IMPACT: variants seen among roughly 807,000 people sequenced by gnomAD.
The protein encoded by IMPACT is protein IMPACT.
A neutral mutation model predicts 47.5 loss-of-function variants in IMPACT; 35 were observed. That is an observed-to-expected ratio of 0.74 (90% CI 0.56 to 0.98). The LOEUF (loss-of-function observed/expected upper bound fraction) is 0.98. Among genes scored for constraint, IMPACT ranks in the 50% least tolerant of loss-of-function variants. The pLI is 0.00. For missense variants in IMPACT, 373 were observed against 394.8 expected (o/e 0.94, Z 0.47); for synonymous variants, 118 against 125.6 (o/e 0.94, Z 0.40).
intron 1 of IMPACT, chr18:24,427,023 C>T: frequency 2.6e-6 from 1 of 391,470 alleles, no homozygotes; most frequent in Non-Finnish European, 4.5e-6. Flanking sequence ...GGACGGTGTC[C>T]TCGTCAACCA....
chr18:24,431,077 A>G (rs1908744255), intron 4 of IMPACT, among the ~76,000 whole-genome samples: 2 of 152,196 alleles, frequency 1.3e-5, no homozygotes, highest in African/African-American at 4.8e-5. Flanking sequence ...GCCCTTTTTC[A>G]TGGCAGTTAG....
intron 1 of IMPACT, 66 bp downstream of exon 1, chr18:24,426,858 C>T: frequency 3.5e-6 from 4 of 1,158,376 alleles, no homozygotes; most frequent in Non-Finnish European, 4.4e-6. Context: ...TGCCAGTCCT[C>T]CTCAGCCGAG....
At chr18:24,447,264 A>G (rs1291742760) in intron 8 of IMPACT, among the ~76,000 whole-genome samples, 1 of 152,186 alleles carries the variant, frequency 6.6e-6, no homozygotes, top group Non-Finnish European at 1.5e-5. Flanking sequence ...TATTTACATT[A>G]AAAGTTTACA....
chr18:24,443,019 TA>T (rs750449258), intron 6 of IMPACT, 29 bp from the exon 7 acceptor site: 2 of 1,260,708 alleles, frequency 1.6e-6, no homozygotes, highest in African/African-American at 3.0e-5. Flanking sequence ...TAAGGCTTTT[TA>T]AAAAATAAAG....
At chr18:24,430,747 TA>T in intron 4 of IMPACT, among the ~76,000 whole-genome samples, 1 of 151,744 alleles carries the variant, frequency 6.6e-6, no homozygotes, top group African/African-American at 2.4e-5. Flanking sequence ...CTCAATAAAT[TA>T]AAAAAAAGTT....
intron 5 of IMPACT, 63 bp downstream of exon 5, chr18:24,438,103 A>T: frequency 1.4e-6 from 1 of 731,976 alleles, no homozygotes; most frequent in East Asian, 2.7e-5. Flanking sequence ...TTATGTAGAT[A>T]CTCTAGTTGA....
Position 24,441,527 on chromosome 18 carries a change from A to G in IMPACT, c.490+909A>G, listed in dbSNP as rs552895580. 4.6e-5 allele frequency among the ~76,000 whole-genome samples: 7 copies of G among 152,350 alleles called. No individual in the cohort carries two copies. In the South Asian group the frequency reaches 1.2e-3, roughly 27 times the overall value. On this transcript the variant is annotated intron_variant, in intron 6 of 10. Coordinates refer to ENST00000284202, the MANE Select transcript of IMPACT (RefSeq NM_018439.4). ...TTGTTTCGTAATCGAGTAGTATTCA[A>G]CATAAAAATAGGTTGCTGTGATATT...
intron 4 of IMPACT, among the ~76,000 whole-genome samples, chr18:24,431,653 T>C (rs1217387890): frequency 1.3e-5 from 2 of 151,798 alleles, no homozygotes; most frequent in African/African-American, 2.4e-5. Flanking sequence ...GCTGGGACTA[T>C]AGATACGTGC....
chr18:24,436,188 G>C (rs1336334183), intron 4 of IMPACT, among the ~76,000 whole-genome samples: 2 of 152,094 alleles, frequency 1.3e-5, no homozygotes, highest in Non-Finnish European at 2.9e-5. Context: ...CTGTAAAAAG[G>C]GGATAATATT....
rs191029745 is a variant in IMPACT, at chr18:24,436,512, G to A, written c.282-1443G>A. ...TCCTCCTACGGTGCTGAGATTACAG[G>A]TGTGAGCTGCCACATCTGGCCTGTT... On this transcript the variant is annotated intron_variant, in intron 4 of 10. Coordinates refer to ENST00000284202, the MANE Select transcript of IMPACT (RefSeq NM_018439.4). Among the ~76,000 whole-genome samples, 417 of 148,008 alleles carry A rather than the reference G, an allele frequency of 2.8e-3. 3 individuals carry two copies. Among genetic ancestry groups the A allele is most frequent in the South Asian group, 6.6e-3 (31 of 4,674 alleles).
At chr18:24,447,665 C>T (rs1249978558) in intron 8 of IMPACT, among the ~76,000 whole-genome samples, 1 of 151,938 alleles carries the variant, frequency 6.6e-6, no homozygotes, top group Non-Finnish European at 1.5e-5. Context: ...CTTTTTGTTT[C>T]ACTACATCTT....
chr18:24,438,010 CT>C lies in IMPACT; in HGVS notation c.339del (p.Ile114TyrfsTer6). ...YLWVEKIRDV[L>X]IQKSQMTEPG... ...GTGGGTGGAGAAAATAAGAGATGTT[CT>C]TATACAAAAATCTCAGATGACAGAA... On this transcript the variant is annotated frameshift_variant, in exon 5 of 11. Coordinates refer to ENST00000284202, the MANE Select transcript of IMPACT (RefSeq NM_018439.4). LOFTEE classifies it high-confidence loss of function. 1 of 1,573,000 alleles carries C rather than the reference CT, an allele frequency of 6.4e-7. No homozygotes were observed. The highest frequency in any genetic ancestry group is 8.7e-7 in the Non-Finnish European group (1 of 1,150,832).
chr18:24,440,355 A>T, intron 5 of IMPACT, 141 bp from the exon 6 acceptor site: 1 of 758,510 alleles, frequency 1.3e-6, no homozygotes, highest in African/African-American at 1.8e-5. Context: ...CAACTCAGGA[A>T]TCAACCAGTT....
chr18:24,444,035 T>G (rs1909185112), intron 7 of IMPACT, among the ~76,000 whole-genome samples: 1 of 152,198 alleles, frequency 6.6e-6, no homozygotes, highest in African/African-American at 2.4e-5. Flanking sequence ...GGGATACAGC[T>G]CTTTGTACCA....
chr18:24,439,252 T>A (rs1909029119), intron 5 of IMPACT, among the ~76,000 whole-genome samples: 1 of 152,126 alleles, frequency 6.6e-6, no homozygotes, highest in Non-Finnish European at 1.5e-5. Flanking sequence ...GTATTGAGGC[T>A]GGGCACAGTG....
chr18:24,443,186 T>A, intron 7 of IMPACT, 34 bp downstream of exon 7: 4 of 990,572 alleles, frequency 4.0e-6, no homozygotes, highest in Non-Finnish European at 6.2e-6. Flanking sequence ...CTTTGATGAT[T>A]ACTAAAATAA....
rs994748704 is a variant in IMPACT at position 24,426,821 on chromosome 18, C to T, written c.36+29C>T. 8.1e-6 allele frequency: 10 copies of T among 1,234,178 alleles called. No individual in the cohort carries two copies. In the Admixed American group the frequency reaches 1.7e-4, roughly 21 times the overall value. 76.5% of individuals were successfully genotyped at this position (1,234,178 alleles called of 1,614,324 possible). A position where few individuals can be genotyped will look rare whatever the true frequency, so the allele number is the denominator to read the frequency against. On this transcript the variant is annotated intron_variant, in intron 1 of 10. Transcript: ENST00000284202. The stretch of plus-strand genomic sequence containing the variant: ...AGGCCCCGGCGGGGTGCTGTCTCTC[C>T]AGGCTCGGCTCCGGCTCGCCTCGCC...
chr18:24,437,372 A>G (rs1270248143), intron 4 of IMPACT, among the ~76,000 whole-genome samples: 1 of 152,226 alleles, frequency 6.6e-6, no homozygotes, highest in African/African-American at 2.4e-5. Flanking sequence ...TGAGGCAACC[A>G]AACATCATTT....
At position 24,437,940 on chromosome 18, in the gene IMPACT, C is replaced by T. The variant is rs1568087217; in HGVS notation, c.282-15C>T. ...TTGAAATAACAATTTTTTTTTTCCC[C>T]TGAATTTTGTTTAGTCAGAATATCG... On this transcript the variant is annotated splice_polypyrimidine_tract_variant and intron_variant, in intron 4 of 10. Coordinates refer to ENST00000284202, the MANE Select transcript of IMPACT (RefSeq NM_018439.4). The T allele has an allele frequency of 1.5e-6, 2 of 1,358,194 alleles. No individual in the cohort carries two copies. Among genetic ancestry groups the T allele is most frequent in the Non-Finnish European group, 2.1e-6 (2 of 971,006 alleles). The allele number at this position is 1,358,194 out of a possible 1,614,324, so 84.1% of individuals were successfully genotyped here.
Sources: allele counts gnomAD v4.1 joint callset (sites outside exome capture counted in the v4.1 genomes callset), GRCh38; gene constraint gnomAD v4.1.1; transcripts MANE v1.5; gene names NCBI Gene and HGNC (gene_info 2026-07-23, HGNC 2026-07-21).